CLCA1: variants seen among roughly 807,000 people sequenced by gnomAD.
CLCA1 encodes calcium-activated chloride channel regulator 1.
A neutral mutation model predicts 85.6 loss-of-function variants in CLCA1; 59 were observed. The ratio of observed to expected loss-of-function variants is 0.69; its 90% CI spans 0.56 to 0.86. The LOEUF is 0.86. CLCA1 is among the 40% of genes least tolerant of loss of function. CLCA1 has a pLI of 0.00. For synonymous variants in CLCA1, 396 were observed against 398.3 expected, an observed-to-expected ratio of 0.99 and a Z score of 0.07; for missense variants, 1,022 against 1,101.4, an observed-to-expected ratio of 0.93 and a Z score of 1.02.
chr1:86,473,341 C>T (rs1454385237), intron 1 of CLCA1, 76 bp from the exon 2 acceptor site: 3 of 1,075,842 alleles, frequency 2.8e-6, no homozygotes, highest in African/African-American at 3.1e-5. Flanking sequence ...ATGTGAAATC[C>T]AGATGTGAAT....
intron 8 of CLCA1, among the ~76,000 whole-genome samples, chr1:86,490,035 C>A (rs72720162): frequency 0.015 from 2,277 of 152,264 alleles, 24 homozygotes; most frequent in Non-Finnish European, 0.024. Context: ...CAGACCTAGT[C>A]GGAGTCTAGC....
intron 1 of CLCA1, among the ~76,000 whole-genome samples, chr1:86,469,416 T>C (rs1203823822): frequency 6.6e-6 from 1 of 152,220 alleles, no homozygotes. Flanking sequence ...CTGAAAATTA[T>C]TTAGTTCTAT....
chr1:86,473,776 C>G lies in CLCA1; in HGVS notation c.351C>G (p.Pro117=). The change falls in exon 3 of 14, where the codon CCC becomes CCG. Residue 117 remains proline, a synonymous_variant. Coordinates refer to ENST00000394711, the MANE Select transcript of CLCA1 (RefSeq NM_001285.4). ...AESTPPGNDE[P]YTEQMGNCGE... is the part of the protein sequence containing the mutation. The stretch of plus-strand genomic sequence containing the variant: ...CTACTCCTCCAGGTAATGATGAACC[C>G]TACACTGAGCAGATGGGCAACTGTG... 6.2e-7 allele frequency: 1 copy of G among 1,612,514 alleles called. No individual in the cohort carries two copies. Among genetic ancestry groups the G allele is most frequent in the Non-Finnish European group, 8.5e-7 (1 of 1,179,064 alleles).
At position 86,485,500 on chromosome 1, in the gene CLCA1, C is replaced by G; in HGVS notation, c.893C>G (p.Ser298Ter). The G allele has an allele frequency of 6.2e-7, 1 of 1,614,182 alleles. No individual in the cohort carries two copies. The highest frequency in any genetic ancestry group is 1.1e-5 in the South Asian group (1 of 91,084). The change falls in exon 6 of 14, where the codon TCA becomes TGA. Residue 298 changes from serine (S) to a stop codon, truncating the protein, a stop_gained. Coordinates refer to ENST00000394711, the MANE Select transcript of CLCA1 (RefSeq NM_001285.4). LOFTEE classifies it high-confidence loss of function. ...MTTQPPNPTF[S>*]LLQIGQRIVC... ...ACACAGCCACCAAATCCCACCTTCT[C>G]ATTGCTGCAGATTGGACAAAGAATT...
chr1:86,481,544 T>A (rs112780861), intron 4 of CLCA1, among the ~76,000 whole-genome samples: 1 of 152,180 alleles, frequency 6.6e-6, no homozygotes, highest in African/African-American at 2.4e-5. Context: ...TGTTGATATA[T>A]ACAAAGTGAA....
Position 86,476,519 on chromosome 1 carries a change from T to C in CLCA1, c.523T>C (p.Phe175Leu). The change falls in exon 4 of 14, where the codon TTC (phenylalanine) becomes CTC (leucine). Residue 175 changes from phenylalanine (F) to leucine (L), a missense_variant. By Grantham distance (22) the Phe-to-Leu change is conservative (BLOSUM62 0). Transcript: ENST00000394711. ...TGACGAGTACAATAATGATGAGAAATTCTACTTATCCAATGGAAGAATACA... is the reference window on the plus strand; with the variant it reads ...TGACGAGTACAATAATGATGAGAAACTCTACTTATCCAATGGAAGAATACA... ...VFDEYNNDEK[F>L]YLSNGRIQAV... 1 of 1,595,522 alleles carries C rather than the reference T, an allele frequency of 6.3e-7. No homozygotes were observed. The highest frequency in any genetic ancestry group is 8.6e-7 in the Non-Finnish European group (1 of 1,163,298).
chr1:86,496,550 T>A (rs1648291529), intron 12 of CLCA1, among the ~76,000 whole-genome samples: 4 of 152,126 alleles, frequency 2.6e-5, no homozygotes, highest in Admixed American at 2.6e-4. Context: ...TAGTTTTCCA[T>A]CAATCTCCAC....
At chr1:86,477,969 G>A (rs1352972440) in intron 4 of CLCA1, among the ~76,000 whole-genome samples, 3 of 152,116 alleles carry the variant, frequency 2.0e-5, no homozygotes, top group East Asian at 1.9e-4. Context: ...TCTTGACCTA[G>A]TACAATTTTT....
rs117021628 is a variant in CLCA1 at position 86,474,279 on chromosome 1, T to C, written c.451+403T>C. On this transcript the variant is annotated intron_variant, in intron 3 of 13. Coordinates refer to ENST00000394711, the MANE Select transcript of CLCA1 (RefSeq NM_001285.4). Reference sequence around the variant, plus strand: ...TGCTCTCAGACGTGCATTCAAATTATATATGAATCTTGTTAAAATGTGGAT... The same window carrying C: ...TGCTCTCAGACGTGCATTCAAATTACATATGAATCTTGTTAAAATGTGGAT... Among the ~76,000 whole-genome samples the C allele has an allele frequency of 1.3e-3, 197 of 152,340 alleles. 4 individuals carry two copies. In the East Asian group the frequency reaches 0.034, roughly 27 times the overall value.
At chr1:86,494,492 G>A in intron 11 of CLCA1, 44 bp downstream of exon 11, 2 of 1,602,558 alleles carry the variant, frequency 1.2e-6, no homozygotes, top group Non-Finnish European at 1.7e-6. Flanking sequence ...CTTTTTCCAA[G>A]AAGCAACCAG....
rs1647426616 is a variant in CLCA1, at chr1:86,469,092, C to G, written c.121C>G (p.Pro41Ala). 1 of 1,610,414 alleles carries G rather than the reference C, an allele frequency of 6.2e-7. No homozygotes were observed. The highest frequency in any genetic ancestry group is 8.5e-7 in the Non-Finnish European group (1 of 1,178,032). ...TGAAGGCATTGTCGTTGCAATCGAC[C>G]CCAATGTGCCAGAAGATGAAACACT... ...GYEGIVVAID[P>A]NVPEDETLIQ... The change falls in exon 1 of 14, where the codon CCC becomes GCC. Residue 41 changes from proline to alanine, a missense_variant. Coordinates refer to ENST00000394711, the MANE Select transcript of CLCA1 (RefSeq NM_001285.4).
chr1:86,475,478 A>G (rs1017085487), intron 3 of CLCA1, among the ~76,000 whole-genome samples: 1 of 152,216 alleles, frequency 6.6e-6, no homozygotes, highest in African/African-American at 2.4e-5. Flanking sequence ...AAGAAGTCAT[A>G]TTGTCTGTCC....
At chr1:86,471,038 A>C (rs1348826204) in intron 1 of CLCA1, among the ~76,000 whole-genome samples, 1 of 152,210 alleles carries the variant, frequency 6.6e-6, no homozygotes, top group Non-Finnish European at 1.5e-5. Context: ...GGAGAGTCAG[A>C]GAGAAACTCT....
chr1:86,497,568 G>A (rs1198895817), intron 12 of CLCA1, among the ~76,000 whole-genome samples: 5 of 152,076 alleles, frequency 3.3e-5, no homozygotes, highest in Non-Finnish European at 7.4e-5. Context: ...ATGAAATTGG[G>A]ATCACTACAA....
intron 12 of CLCA1, 82 bp downstream of exon 12, chr1:86,495,757 G>T (rs935523247): frequency 5.5e-6 from 7 of 1,271,420 alleles, no homozygotes; most frequent in South Asian, 5.0e-5. Context: ...GGGGCAGAAT[G>T]GTGCATGATT....
intron 5 of CLCA1, among the ~76,000 whole-genome samples, chr1:86,482,835 C>T (rs528426199): frequency 6.6e-6 from 1 of 152,272 alleles, no homozygotes; most frequent in Non-Finnish European, 1.5e-5. Flanking sequence ...GTGTTGGTTA[C>T]ATTAGGGAGT....
At chr1:86,476,300 A>T (rs558029849) in intron 3 of CLCA1, 148 bp from the exon 4 acceptor site, 1 of 542,410 alleles carries the variant, frequency 1.8e-6, no homozygotes, top group African/African-American at 1.9e-5. Context: ...GAAAACGTAC[A>T]GTTATATTAG....
At position 86,493,970 on chromosome 1, in the gene CLCA1, C is replaced by G. The variant is rs1340640142; in HGVS notation, c.1681-217C>G. 2.0e-5 allele frequency among the ~76,000 whole-genome samples: 3 copies of G among 152,194 alleles called. No homozygotes were observed. The East Asian group carries it at 5.8e-4, about 29-fold the overall frequency. On this transcript the variant is annotated intron_variant, in intron 10 of 13. Coordinates refer to ENST00000394711, the MANE Select transcript of CLCA1 (RefSeq NM_001285.4). The stretch of plus-strand genomic sequence containing the variant: ...AGCTTTCAGACCTCACCATCCCCCT[C>G]CCACCCGCCGTGGAATTTTCTTGAC...
intron 4 of CLCA1, 76 bp from the exon 5 acceptor site, chr1:86,482,129 G>A: frequency 9.0e-7 from 1 of 1,112,592 alleles, no homozygotes; most frequent in Non-Finnish European, 1.3e-6. Context: ...AAGGCAATCT[G>A]TCAGAAACTG....
Sources: gnomAD v4.1 joint callset for allele counts (sites outside exome capture counted in the v4.1 genomes callset) on GRCh38, gnomAD v4.1.1 for gene constraint, MANE v1.5 for transcripts, NCBI Gene and HGNC (gene_info 2026-07-23, HGNC 2026-07-21) for gene names.